Variants in DIAPH2 observed in about 807,000 individuals in gnomAD.
DIAPH2 encodes diaphanous related formin 2.
In DIAPH2, 35 loss-of-function variants were observed where a neutral mutation model predicts 92.7. That is an observed-to-expected ratio of 0.38 (90% CI 0.29 to 0.50). The LOEUF is 0.50. Ranked by LOEUF, DIAPH2 falls within the 20% of genes least tolerant of loss-of-function variation. The pLI, the probability that DIAPH2 is intolerant of heterozygous loss-of-function variation, is 0.94. For synonymous variants in DIAPH2, 301 were observed against 280.4 expected (o/e 1.07, Z -0.73); for missense variants, 701 against 819.5 (o/e 0.86, Z 1.77).
At chrX:96,771,286 G>A (rs2064337145) in intron 4 of DIAPH2, among the ~76,000 whole-genome samples, 1 of 111,636 alleles carries the variant, frequency 9.0e-6, no homozygotes, top group Non-Finnish European at 1.9e-5. Context: ...ATGAAAAGAT[G>A]TATATTTCAT....
chrX:96,762,506 T>C (rs963388540), intron 4 of DIAPH2, among the ~76,000 whole-genome samples: 8 of 111,223 alleles, frequency 7.2e-5, no homozygotes, highest in African/African-American at 2.6e-4. Context: ...TATAAAACAG[T>C]ATCGTACACC....
At chrX:96,836,712 TATATA>T (rs201329938) in intron 4 of DIAPH2, among the ~76,000 whole-genome samples, 988 of 25,488 alleles carry the variant, frequency 0.039, 29 homozygotes, top group Non-Finnish European at 0.053. Flanking sequence ...TATATATATA[TATATA>T]TTTTTTTTTT....
intron 22 of DIAPH2, among the ~76,000 whole-genome samples, chrX:97,220,427 G>A (rs1292553088): frequency 1.8e-5 from 2 of 110,690 alleles, no homozygotes; most frequent in Non-Finnish European, 3.8e-5. Context: ...CTGAACTTGG[G>A]TTTTGAGGAG....
intron 4 of DIAPH2, among the ~76,000 whole-genome samples, chrX:96,796,807 TTAAA>T (rs745311619): frequency 1.9e-4 from 21 of 111,936 alleles, no homozygotes; most frequent in African/African-American, 6.8e-4. Flanking sequence ...AATTTTTTCT[TTAAA>T]TAATTTGTTT....
intron 26 of DIAPH2, among the ~76,000 whole-genome samples, chrX:97,543,513 C>A (rs1247412602): frequency 1.8e-5 from 2 of 109,149 alleles, no homozygotes; most frequent in African/African-American, 6.7e-5. Flanking sequence ...TTTCTTTTTT[C>A]TTTTTTTGAG....
chrX:97,136,769 G>A (rs902102136), intron 21 of DIAPH2, among the ~76,000 whole-genome samples: 2 of 110,598 alleles, frequency 1.8e-5, no homozygotes, highest in Admixed American at 9.7e-5. Flanking sequence ...TAAAGCTTTT[G>A]GAGTCTTTGA....
In DIAPH2 at chrX:97,073,056, T is replaced by C. The variant is rs1345366360; in HGVS notation, c.2152+14T>C. ...CTCAGAATCTGTGTATGTAATATTT[T>C]CTTCGTAGGATTGGTATAGGTAACG... On this transcript the variant is annotated intron_variant, in intron 18 of 26. Transcript: ENST00000324765. 1 of 1,101,737 alleles carries C rather than the reference T, an allele frequency of 9.1e-7. No individual in the cohort carries two copies. The highest frequency in any genetic ancestry group is 2.4e-5 in the Admixed American group (1 of 42,309). The allele number at this position is 1,101,737 out of a possible 1,213,427, so 90.8% of individuals were successfully genotyped here. A position where few individuals can be genotyped will look rare whatever the true frequency, so the allele number is the denominator to read the frequency against.
chrX:96,820,314 A>G (rs1330863898), intron 4 of DIAPH2, among the ~76,000 whole-genome samples: 1 of 111,536 alleles, frequency 9.0e-6, no homozygotes, highest in Non-Finnish European at 1.9e-5. Context: ...TACTGAAAAT[A>G]CAGAAATTAT....
intron 26 of DIAPH2, among the ~76,000 whole-genome samples, chrX:97,588,523 G>A (rs1055095294): frequency 9.1e-6 from 1 of 110,226 alleles, no homozygotes; most frequent in African/African-American, 3.3e-5. Flanking sequence ...CTCTCTCCAG[G>A]TGATGTAATG....
intron 26 of DIAPH2, among the ~76,000 whole-genome samples, chrX:97,567,944 A>T (rs145919432): frequency 9.3e-6 from 1 of 108,100 alleles, no homozygotes; most frequent in African/African-American, 3.4e-5. Flanking sequence ...GTGAAACCCC[A>T]TCTCTACTAA....
At chrX:97,247,106 C>A (rs1227025518) in intron 22 of DIAPH2, among the ~76,000 whole-genome samples, 5 of 111,703 alleles carry the variant, frequency 4.5e-5, no homozygotes, top group African/African-American at 1.6e-4. Flanking sequence ...ATTACAGCAA[C>A]TAATGATAGT....
intron 17 of DIAPH2, among the ~76,000 whole-genome samples, chrX:96,986,434 C>T (rs2066032342): frequency 9.0e-6 from 1 of 111,598 alleles, no homozygotes; most frequent in Non-Finnish European, 1.9e-5. Flanking sequence ...TCTGAACAAA[C>T]TTTAGCCTGA....
At chrX:96,782,634 A>G (rs924897834) in intron 4 of DIAPH2, among the ~76,000 whole-genome samples, 4 of 110,518 alleles carry the variant, frequency 3.6e-5, no homozygotes, top group East Asian at 2.9e-4. Flanking sequence ...GGGTTTCGCC[A>G]TGTTGCCCAG....
At chrX:96,912,453 C>T (rs761882824) in intron 6 of DIAPH2, 30 bp from the exon 7 acceptor site, 51 of 1,197,520 alleles carry the variant, frequency 4.3e-5, no homozygotes, top group Non-Finnish European at 5.5e-5. Context: ...TGTTTCAGCA[C>T]AACATAATAT....
chrX:97,506,471 T>TC (rs1556165864), intron 26 of DIAPH2, among the ~76,000 whole-genome samples: 86 of 74,543 alleles, frequency 1.2e-3, no homozygotes, highest in African/African-American at 3.8e-3. Context: ...TTTTTTTTTT[T>TC]CAGATGGTAA....
At chrX:97,474,564 A>C (rs748370233) in intron 26 of DIAPH2, among the ~76,000 whole-genome samples, 22 of 111,273 alleles carry the variant, frequency 2.0e-4, no homozygotes, top group Non-Finnish European at 4.0e-4. Flanking sequence ...GAGGAGTTCG[A>C]GACCAGCCTG....
At chrX:97,439,234 C>A (rs1388618529) in intron 26 of DIAPH2, among the ~76,000 whole-genome samples, 1 of 110,775 alleles carries the variant, frequency 9.0e-6, no homozygotes, top group Non-Finnish European at 1.9e-5. Flanking sequence ...TCAAGACCAC[C>A]CTAGGCAACA....
intron 23 of DIAPH2, among the ~76,000 whole-genome samples, chrX:97,254,542 G>T (rs1484954380): frequency 9.5e-5 from 10 of 105,209 alleles, no homozygotes; most frequent in Non-Finnish European, 1.7e-4. Flanking sequence ...ACTAAAATTT[G>T]GTTCAAGAGA....
Position 96,916,512 on chromosome X carries a change from C to G in DIAPH2, c.807C>G (p.Pro269=), listed in dbSNP as rs765504966. ...CAAGAGCAATTGACCCCAAACAACC[C>G]AACATGATGACTGAAATAGTAAAAA... ...LLARAIDPKQ[P]NMMTEIVKIL... Residue 269 remains proline, a synonymous_variant, in exon 8 of 27, where the codon CCC becomes CCG. Transcript: ENST00000324765. 8.3e-7 allele frequency: 1 copy of G among 1,203,053 alleles called. No homozygotes were observed. The highest frequency in any genetic ancestry group is 1.1e-6 in the Non-Finnish European group (1 of 891,679).
Sources: allele counts gnomAD v4.1 joint callset (sites outside exome capture counted in the v4.1 genomes callset), GRCh38; gene constraint gnomAD v4.1.1; transcripts MANE v1.5; gene names NCBI Gene and HGNC (gene_info 2026-07-23, HGNC 2026-07-21).